Variants in KCNK5 observed in about 807,000 individuals in gnomAD.
KCNK5 encodes the protein potassium two pore domain channel subfamily K member 5.
A neutral mutation model predicts 32.9 loss-of-function variants in KCNK5; 18 were observed. The ratio of observed to expected loss-of-function variants is 0.55; its 90% CI spans 0.38 to 0.81. The LOEUF is 0.81. Among genes scored for constraint, KCNK5 ranks in the 30% least tolerant of loss-of-function variants. The pLI, the probability that KCNK5 is intolerant of heterozygous loss-of-function variation, is 0.00. For synonymous variants in KCNK5, 276 were observed against 275.3 expected, an observed-to-expected ratio of 1.00 and a Z score of -0.03; for missense variants, 507 against 651.0, an observed-to-expected ratio of 0.78 and a Z score of 2.41.
intron 1 of KCNK5, among the ~76,000 whole-genome samples, chr6:39,219,041 G>C (rs750149577): frequency 2.0e-5 from 3 of 152,198 alleles, no homozygotes; most frequent in Non-Finnish European, 2.9e-5. Flanking sequence ...TGAATGAGGA[G>C]CTGGATGGTT....
chr6:39,195,040 C>T (rs1771005384), intron 2 of KCNK5, among the ~76,000 whole-genome samples: 1 of 152,148 alleles, frequency 6.6e-6, no homozygotes, highest in Non-Finnish European at 1.5e-5. Context: ...TACCACTGTG[C>T]AAGTTATAAG....
intron 1 of KCNK5, among the ~76,000 whole-genome samples, chr6:39,227,923 ACTCC>A (rs1490838796): frequency 2.0e-5 from 3 of 151,668 alleles, no homozygotes; most frequent in Non-Finnish European, 4.4e-5. Context: ...ATCTACCCCT[ACTCC>A]CTACCTGCTG....
At chr6:39,227,940 A>G (rs1771703704) in intron 1 of KCNK5, among the ~76,000 whole-genome samples, 1 of 152,108 alleles carries the variant, frequency 6.6e-6, no homozygotes, top group African/African-American at 2.4e-5. Flanking sequence ...ACCTGCTGCA[A>G]TCTAGAACTT....
intron 1 of KCNK5, among the ~76,000 whole-genome samples, chr6:39,219,229 C>T (rs1312760819): frequency 6.6e-6 from 1 of 152,112 alleles, no homozygotes; most frequent in East Asian, 1.9e-4. Flanking sequence ...GAAGAGGGGG[C>T]TCCTGGAGAT....
intron 1 of KCNK5, among the ~76,000 whole-genome samples, chr6:39,220,279 G>A (rs886429612): frequency 8.5e-5 from 13 of 152,208 alleles, no homozygotes; most frequent in African/African-American, 1.4e-4. Context: ...AGTGGGGCAC[G>A]GGAGGTGACA....
chr6:39,190,849 G>A lies in KCNK5; in HGVS notation c.*41C>T, dbSNP rs1165819180. ...TCTCGGGACACCCTAGGGTGAGGGG[G>A]GAAGAGGCCATCAAAGGTGGGGTGG... On this transcript the variant is annotated 3_prime_UTR_variant, in exon 5 of 5. Coordinates refer to ENST00000359534, the MANE Select transcript of KCNK5 (RefSeq NM_003740.4). 2.8e-6 allele frequency: 4 copies of A among 1,448,708 alleles called. No individual in the cohort carries two copies. The African/African-American group carries it at 5.7e-5, about 21-fold the overall frequency. 89.7% of individuals were successfully genotyped at this position (1,448,708 alleles called of 1,614,324 possible).
At position 39,189,909 on chromosome 6, in the gene KCNK5, C is replaced by CGG. The variant is rs1254257302; in HGVS notation, c.*979_*980dup. The stretch of plus-strand genomic sequence containing the variant: ...CAAGGGGGCTGGTGGGAGGGGAAGG[C>CGG]GGGCAGTGAGGTCCTTGTTCAGGGC... On this transcript the variant is annotated 3_prime_UTR_variant, in exon 5 of 5. Transcript: ENST00000359534. The CGG allele has an allele frequency of 3.3e-5, 5 of 152,530 alleles. No homozygotes were observed. The highest frequency in any genetic ancestry group is 3.3e-4 in the Admixed American group (5 of 15,282). The allele number at this position is 152,530 out of a possible 1,614,324, so 9.4% of individuals were successfully genotyped here.
intron 1 of KCNK5, among the ~76,000 whole-genome samples, chr6:39,205,822 C>G (rs752029930): frequency 2.3e-4 from 35 of 152,174 alleles, no homozygotes; most frequent in African/African-American, 4.3e-4. Context: ...TTAGAGAGCT[C>G]TAGCCCAAGC....
Position 39,228,977 on chromosome 6 carries a change from C to T in KCNK5, c.135G>A (p.Leu45=), listed in dbSNP as rs1355952673. ...GACCCAGGCACGGGAACTCCTTGAG[C>T]AGATGCAGCTTCTGTGTGTAGTAGT... ...KKNYYTQKLH[L]LKEFPCLGQE... Residue 45 remains leucine (L), a synonymous_variant, in exon 1 of 5, where the codon CTG becomes CTA. Coordinates refer to ENST00000359534, the MANE Select transcript of KCNK5 (RefSeq NM_003740.4). 6.2e-7 allele frequency: 1 copy of T among 1,614,068 alleles called. No individual in the cohort carries two copies. Among genetic ancestry groups the T allele is most frequent in the Non-Finnish European group, 8.5e-7 (1 of 1,180,036 alleles).
At chr6:39,201,470 C>T (rs1207005166) in intron 1 of KCNK5, among the ~76,000 whole-genome samples, 1 of 152,074 alleles carries the variant, frequency 6.6e-6, no homozygotes, top group Admixed American at 6.6e-5. Flanking sequence ...AGGCTGGTCT[C>T]AAACTCCTGA....
intron 1 of KCNK5, among the ~76,000 whole-genome samples, chr6:39,205,415 G>GA (rs2113787118): frequency 6.6e-6 from 1 of 152,288 alleles, no homozygotes; most frequent in Non-Finnish European, 1.5e-5. Flanking sequence ...GGGAAGGTGG[G>GA]ATGTGTCCAG....
At chr6:39,224,003 C>A (rs2815120) in intron 1 of KCNK5, among the ~76,000 whole-genome samples, 148,375 of 152,118 alleles carry the variant, frequency 0.98, 72,455 homozygotes, top group East Asian at 1. Context: ...GGGTTCTAGT[C>A]AAACGCTCAA....
At chr6:39,223,138 G>A (rs368502652) in intron 1 of KCNK5, among the ~76,000 whole-genome samples, 2 of 152,164 alleles carry the variant, frequency 1.3e-5, no homozygotes, top group Non-Finnish European at 2.9e-5. Context: ...TGCAGGGACC[G>A]CTCCATTGCA....
intron 1 of KCNK5, among the ~76,000 whole-genome samples, chr6:39,210,699 T>A (rs752883893): frequency 6.6e-6 from 1 of 152,036 alleles, no homozygotes; most frequent in African/African-American, 2.4e-5. Flanking sequence ...CTCAGGAGGA[T>A]CTCATAGTTT....
Position 39,195,978 on chromosome 6 carries a change from C to G in KCNK5, c.196G>C (p.Asp66His). 2 of 1,610,980 alleles carry G rather than the reference C, an allele frequency of 1.2e-6. No individual in the cohort carries two copies. Among genetic ancestry groups the G allele is most frequent in the South Asian group, 2.2e-5 (2 of 90,504 alleles). The change falls in exon 2 of 5, where the codon GAT (aspartate) becomes CAT (histidine). Residue 66 changes from aspartate to histidine, a missense_variant. Around this residue, in one of 6 missense-constraint regions of KCNK5, gnomAD observed 143 missense variants for 219.1 expected, o/e 0.65. Transcript: ENST00000359534. ...GLDKILEVVS[D>H]AAGQGVAITG... The stretch of plus-strand genomic sequence containing the variant: ...ATGGCCACACCCTGTCCTGCAGCAT[C>G]AGATACCACCTAAAATGAGAAACAG...
chr6:39,205,380 A>C (rs77191937), intron 1 of KCNK5, among the ~76,000 whole-genome samples: 2,953 of 152,180 alleles, frequency 0.019, 98 homozygotes, highest in African/African-American at 0.066. Flanking sequence ...ATGCTCTCAA[A>C]ATCTACCCCT....
intron 1 of KCNK5, among the ~76,000 whole-genome samples, chr6:39,224,307 G>A (rs1008171462): frequency 6.6e-5 from 10 of 152,140 alleles, no homozygotes; most frequent in Non-Finnish European, 1.5e-4. Context: ...ACTTACAAAG[G>A]CGGTTAAGTG....
At chr6:39,216,506 C>T (rs1489760645) in intron 1 of KCNK5, among the ~76,000 whole-genome samples, 4 of 152,082 alleles carry the variant, frequency 2.6e-5, no homozygotes, top group African/African-American at 7.2e-5. Flanking sequence ...TAGCAAGATT[C>T]GAAAGACTGG....
At chr6:39,206,792 C>T (rs1388473090) in intron 1 of KCNK5, among the ~76,000 whole-genome samples, 1 of 152,218 alleles carries the variant, frequency 6.6e-6, no homozygotes, top group African/African-American at 2.4e-5. Flanking sequence ...GAGCTTAACA[C>T]TCCGTATCTG....
Sources: gnomAD v4.1 joint callset for allele counts (sites outside exome capture counted in the v4.1 genomes callset) on GRCh38, gnomAD v4.1.1 for gene constraint, gnomAD v4.1.1 regional missense constraint, MANE v1.5 for transcripts, NCBI Gene and HGNC (gene_info 2026-07-23, HGNC 2026-07-21) for gene names.